Variants in DOT1L observed in about 807,000 individuals in gnomAD.
DOT1L encodes histone-lysine N-methyltransferase, H3 lysine-79 specific.
A neutral mutation model predicts 153.3 loss-of-function variants in DOT1L; 33 were observed. The ratio of observed to expected loss-of-function variants is 0.22; its 90% CI spans 0.16 to 0.29. The LOEUF is 0.29. DOT1L is among the 10% of genes least tolerant of loss of function. The pLI, the probability that DOT1L is intolerant of heterozygous loss-of-function variation, is 1.00. For synonymous variants in DOT1L, 1,135 were observed against 965.1 expected, an observed-to-expected ratio of 1.18 and a Z score of -3.26; for missense variants, 1,847 against 2,119.9, an observed-to-expected ratio of 0.87 and a Z score of 2.53.
Position 2,220,126 on chromosome 19 carries a change from G to A in DOT1L, c.2710G>A (p.Val904Met), listed in dbSNP as rs542823835. Residue 904 changes from valine to methionine, a missense_variant, in exon 23 of 28, where the codon GTG (valine) becomes ATG (methionine). This residue lies in a region of DOT1L where 68 missense variants were observed against 80.7 expected (regional missense o/e 0.84). Coordinates refer to ENST00000398665, the MANE Select transcript of DOT1L (RefSeq NM_032482.3). This position sits in a 1 kb window ranked among gnomAD's most constrained non-coding sequence, Gnocchi z 4.5. The stretch of plus-strand genomic sequence containing the variant: ...TCTGCAGAGGAGCACCCCCAGTCCC[G>A]TGCTGCAGCCCCGTGACCCCTCGTC... ...AERARSTPSP[V>M]LQPRDPSSTL... The A allele has an allele frequency of 3.0e-5, 48 of 1,610,884 alleles. No homozygotes were observed. The highest frequency in any genetic ancestry group is 4.5e-5 in the East Asian group (2 of 44,788).
intron 1 of DOT1L, among the ~76,000 whole-genome samples, chr19:2,166,506 G>A (rs1172197133): frequency 7.3e-6 from 1 of 136,834 alleles, no homozygotes; most frequent in Non-Finnish European, 1.7e-5. Context: ...CTGCCTCCCG[G>A]GTTCAAGCGA....
At position 2,166,086 on chromosome 19, in the gene DOT1L, G is replaced by A. The variant is rs1176763793; in HGVS notation, c.81+1821G>A. On this transcript the variant is annotated intron_variant, in intron 1 of 27. Transcript: ENST00000398665. ...CGCCCGGCCCACATTTATATGTTAT[G>A]TTATGTTATGTTATGTTGTTATTTT... 2.7e-5 allele frequency among the ~76,000 whole-genome samples: 4 copies of A among 148,148 alleles called. No homozygotes were observed. In the East Asian group the frequency reaches 8.1e-4, roughly 30 times the overall value.
chr19:2,172,068 G>A (rs973568904), intron 1 of DOT1L, among the ~76,000 whole-genome samples: 5 of 152,224 alleles, frequency 3.3e-5, no homozygotes, highest in South Asian at 4.1e-4. Flanking sequence ...CCCCAGGGGA[G>A]GAAAGAAGGC....
In DOT1L at chr19:2,231,705, A is replaced by G; in HGVS notation, c.*1913A>G. On this transcript the variant is annotated 3_prime_UTR_variant, in exon 28 of 28. Transcript: ENST00000398665. ...TGCTCTGTGTCGCCACGGGCCGGAT[A>G]CGCCACAGGGTTGATGGCAGAGACG... The G allele has an allele frequency of 4.7e-6, 1 of 213,648 alleles. No homozygotes were observed. Among genetic ancestry groups the G allele is most frequent in the Non-Finnish European group, 9.5e-6 (1 of 105,688 alleles). The allele number at this position is 213,648 out of a possible 1,614,324, so 13.2% of individuals were successfully genotyped here.
Position 2,222,011 on chromosome 19 carries a change from G to A in DOT1L, c.2842G>A (p.Ala948Thr). ...SYAGSVAISGALAGSPASLTP... is the reference protein window; with the variant it reads ...SYAGSVAISGTLAGSPASLTP... ...CGCTGGCTCGGTGGCCATCAGCGGG[G>A]CCTTGGCGGGCAGCCCGGCCTCTCT... The change falls in exon 24 of 28, where the codon GCC becomes ACC. Residue 948 changes from alanine to threonine, a missense_variant. This residue lies in a region of DOT1L where 68 missense variants were observed against 80.7 expected (regional missense o/e 0.84). Coordinates refer to ENST00000398665, the MANE Select transcript of DOT1L (RefSeq NM_032482.3). This position sits in a 1 kb window ranked among gnomAD's most constrained non-coding sequence, Gnocchi z 6.5. 6.2e-7 allele frequency: 1 copy of A among 1,611,382 alleles called. No individual in the cohort carries two copies. The highest frequency in any genetic ancestry group is 8.5e-7 in the Non-Finnish European group (1 of 1,179,246).
In DOT1L at chr19:2,216,268, TCTC is replaced by T. The variant is rs760196874; in HGVS notation, c.1924-7_1924-5del. 3 of 1,553,640 alleles carry T rather than the reference TCTC, an allele frequency of 1.9e-6. No individual in the cohort carries two copies. Among genetic ancestry groups the T allele is most frequent in the South Asian group, 1.2e-5 (1 of 82,874 alleles). On this transcript the variant is annotated splice_polypyrimidine_tract_variant and intron_variant, in intron 19 of 27. Transcript: ENST00000398665. ...CCGGTGGGGCGGGCCTGACACCATCTCTCCTCCTGCAGATCAGCATTGTGGAGC... is the reference window on the plus strand; with the variant it reads ...CCGGTGGGGCGGGCCTGACACCATCTCTCCTGCAGATCAGCATTGTGGAGC...
Position 2,199,895 on chromosome 19 carries a change from C to A in DOT1L, c.663C>A (p.Gly221=). 2.5e-6 allele frequency: 4 copies of A among 1,613,938 alleles called. No homozygotes were observed. The highest frequency in any genetic ancestry group is 3.4e-6 in the Non-Finnish European group (4 of 1,179,850). Residue 221 remains glycine, a synonymous_variant, in exon 8 of 28, where the codon GGC becomes GGA. Coordinates refer to ENST00000398665, the MANE Select transcript of DOT1L (RefSeq NM_032482.3). ...GTTTTCCCTTTCAGTTGGAGAGAGG[C>A]GATTTCCTCTCAGAAGAGTGGAGGG... ...KKHAEYTLER[G]DFLSEEWRER... is the part of the protein sequence containing the mutation.
Position 2,230,877 on chromosome 19 carries a change from C to G in DOT1L, c.*1085C>G. ...CGCCCCTGCCTGCCCCACATCCCTT[C>G]CTGTCAGGGCCACGCCTGGCACCCA... On this transcript the variant is annotated 3_prime_UTR_variant, in exon 28 of 28. Transcript: ENST00000398665. 3.0e-6 allele frequency: 1 copy of G among 328,400 alleles called. No individual in the cohort carries two copies. The highest frequency in any genetic ancestry group is 5.5e-6 in the Non-Finnish European group (1 of 181,828). 20.3% of individuals were successfully genotyped at this position (328,400 alleles called of 1,614,324 possible). A position where few individuals can be genotyped will look rare whatever the true frequency, so the allele number is the denominator to read the frequency against.
At chr19:2,225,512 CA>C in intron 26 of DOT1L, 60 bp downstream of exon 26, 1 of 1,565,546 alleles carries the variant, frequency 6.4e-7, no homozygotes, top group Non-Finnish European at 8.8e-7. Context: ...GGTGCCCAGT[CA>C]GTGCTGCTGA....
chr19:2,203,555 A>G (rs1157211237), intron 9 of DOT1L, among the ~76,000 whole-genome samples: 3 of 152,134 alleles, frequency 2.0e-5, no homozygotes, highest in Non-Finnish European at 4.4e-5. Context: ...CTCCCTCCGG[A>G]GAAAGGTCAC....
At position 2,226,316 on chromosome 19, in the gene DOT1L, C is replaced by T. The variant is rs371535945; in HGVS notation, c.3795C>T (p.Ser1265=). 296 of 1,598,486 alleles carry T rather than the reference C, an allele frequency of 1.9e-4. 4 individuals carry two copies. In the South Asian group the frequency reaches 2.2e-3, roughly 12 times the overall value. Residue 1265 remains serine, a synonymous_variant, in exon 27 of 28, where the codon TCC becomes TCT. Coordinates refer to ENST00000398665, the MANE Select transcript of DOT1L (RefSeq NM_032482.3). ...KSADSPLQAS[S]ALSQNSLFTF... The stretch of plus-strand genomic sequence containing the variant: ...CGGACAGCCCGCTGCAGGCCAGCTC[C>T]GCCCTCAGCCAGAACTCCCTGTTCA...
rs1414090504 is a variant in DOT1L at position 2,194,568 on chromosome 19, A to G, written c.642A>G (p.Ala214=). Residue 214 remains alanine, a synonymous_variant, in exon 7 of 28, where the codon GCA becomes GCG. Transcript: ENST00000398665. ...KWMKWYGKKH[A]EYTLERGDFL... ...TGAAATGGTATGGAAAAAAGCATGC[A>G]GAATACACAGTGAGTGCCATCGCTC... is the stretch of plus-strand genomic sequence containing the variant. 1.2e-6 allele frequency: 2 copies of G among 1,612,734 alleles called. No individual in the cohort carries two copies. The highest frequency in any genetic ancestry group is 1.7e-6 in the Non-Finnish European group (2 of 1,179,938).
rs572979009 is a variant in DOT1L at position 2,214,340 on chromosome 19, A to G, written c.1798-131A>G. On this transcript the variant is annotated intron_variant, in intron 18 of 27. Coordinates refer to ENST00000398665, the MANE Select transcript of DOT1L (RefSeq NM_032482.3). ...TTCCGCATCCTCAGCCTGCTATTCC[A>G]GAAACGGGGTCTGTGCCCTAAGCAC... 2.8e-6 allele frequency: 4 copies of G among 1,429,616 alleles called. No homozygotes were observed. In the South Asian group the frequency reaches 5.7e-5, roughly 20 times the overall value. 88.6% of individuals were successfully genotyped at this position (1,429,616 alleles called of 1,614,324 possible).
intron 1 of DOT1L, among the ~76,000 whole-genome samples, chr19:2,169,533 T>G (rs1294081693): frequency 6.6e-6 from 1 of 152,024 alleles, no homozygotes; most frequent in Admixed American, 6.6e-5. Context: ...TCGCTCTGTC[T>G]CCCAGGCTGG....
chr19:2,189,673 TC>T, intron 3 of DOT1L, 58 bp from the exon 4 acceptor site: 1 of 1,584,912 alleles, frequency 6.3e-7, no homozygotes. Context: ...TGCTGTCCCC[TC>T]CCATGCATGC....
At chr19:2,202,809 G>A in intron 9 of DOT1L, 30 bp downstream of exon 9, 1 of 1,613,140 alleles carries the variant, frequency 6.2e-7, no homozygotes, top group Non-Finnish European at 8.5e-7. Context: ...GGTCTGTGCT[G>A]GTGTGACATG....
intron 27 of DOT1L, chr19:2,228,620 G>C: frequency 1.0e-6 from 1 of 985,380 alleles, no homozygotes. Flanking sequence ...CTGCGGTGAC[G>C]CCGCAGGACT....
chr19:2,202,595 G>A (rs2023336690), intron 8 of DOT1L, 105 bp from the exon 9 acceptor site: 2 of 1,157,292 alleles, frequency 1.7e-6, no homozygotes, highest in South Asian at 2.6e-5. Flanking sequence ...TGGCGGGCGG[G>A]TGTGGGCAGG....
In DOT1L at chr19:2,208,588, C is replaced by A. The variant is rs1203933856; in HGVS notation, c.964-347C>A. Among the ~76,000 whole-genome samples the A allele has an allele frequency of 6.6e-6, 1 of 152,222 alleles. No homozygotes were observed. Among genetic ancestry groups the A allele is most frequent in the Admixed American group, 6.5e-5 (1 of 15,286 alleles). On this transcript the variant is annotated intron_variant, in intron 11 of 27. Transcript: ENST00000398665. The surrounding 1 kb of genome is among the most constrained non-coding windows in gnomAD (Gnocchi z 4.4). ...TGCCCTGGCACTGACGCCCTCGGCG[C>A]AGCCTCTCGCCTTCTCCTCTGAGGC...
Sources: allele counts gnomAD v4.1 joint callset (sites outside exome capture counted in the v4.1 genomes callset), GRCh38; gene constraint gnomAD v4.1.1; regional missense constraint gnomAD v4.1.1; non-coding constraint Gnocchi (gnomAD v3.1); transcripts MANE v1.5; gene names NCBI Gene and HGNC (gene_info 2026-07-23, HGNC 2026-07-21).